PTCHD4: variants seen among roughly 807,000 people sequenced by gnomAD.
The protein encoded by PTCHD4 is patched domain-containing protein 4.
In PTCHD4, 33 loss-of-function variants were observed where a neutral mutation model predicts 58.1. The ratio of observed to expected loss-of-function variants is 0.57; its 90% confidence interval spans 0.43 to 0.76. The LOEUF (loss-of-function observed/expected upper bound fraction) is 0.76, where lower values mean the gene tolerates loss of function less well. Ranked by LOEUF, PTCHD4 falls within the 30% of genes least tolerant of loss-of-function variation. PTCHD4 has a pLI of 0.00. For missense variants in PTCHD4, 1,058 were observed against 1,027.1 expected, an observed-to-expected ratio of 1.03 and a Z score of -0.41; for synonymous variants, 478 against 409.6, an observed-to-expected ratio of 1.17 and a Z score of -2.02.
chr6:47,911,168 A>G (rs920871073), intron 4 of PTCHD4, among the ~76,000 whole-genome samples: 1 of 152,162 alleles, frequency 6.6e-6, no homozygotes, highest in Non-Finnish European at 1.5e-5. Flanking sequence ...AGCTTTGGTC[A>G]AAGGGAAGCA....
chr6:47,859,644 T>A lies in PTCHD4; in HGVS notation c.*18659A>T, dbSNP rs34102657. Among the ~76,000 whole-genome samples the A allele has an allele frequency of 0.66, 99,235 of 151,320 alleles. 32,964 individuals are homozygous for A. The highest frequency in any genetic ancestry group is 0.78 in the East Asian group (3,970 of 5,082). ...TATAGCAGTTTACAGAGCAGAAAAA[T>A]ATCTCTGCCCCCTTAGAGCTTTCAA... On this transcript the variant is annotated 3_prime_UTR_variant, in exon 5 of 5. Transcript: ENST00000339488.
At chr6:47,893,413 G>A (rs1764439676) in intron 4 of PTCHD4, among the ~76,000 whole-genome samples, 1 of 152,174 alleles carries the variant, frequency 6.6e-6, no homozygotes, top group Non-Finnish European at 1.5e-5. Flanking sequence ...ATGCACTGTG[G>A]AGTCAGGCAT....
chr6:47,969,275 T>C (rs1767412560), intron 4 of PTCHD4, among the ~76,000 whole-genome samples: 1 of 152,232 alleles, frequency 6.6e-6, no homozygotes, highest in Non-Finnish European at 1.5e-5. Flanking sequence ...TCTTGTGTAC[T>C]CCTACTAGTC....
At chr6:47,974,799 A>G (rs1767634501) in intron 4 of PTCHD4, among the ~76,000 whole-genome samples, 1 of 152,208 alleles carries the variant, frequency 6.6e-6, no homozygotes, top group Admixed American at 6.5e-5. Context: ...GCTGACCACA[A>G]ATTATTGGCA....
In PTCHD4 at chr6:47,859,993, G is replaced by A. The variant is rs1928288; in HGVS notation, c.*18310C>T. Among the ~76,000 whole-genome samples, 112,524 of 151,906 alleles carry A rather than the reference G, an allele frequency of 0.74. 41,912 individuals carry two copies. Among genetic ancestry groups the A allele is most frequent in the East Asian group, 0.84 (4,308 of 5,128 alleles). On this transcript the variant is annotated 3_prime_UTR_variant, in exon 5 of 5. Transcript: ENST00000339488. ...GACTGGGTGGGGCTTCCCCTCTTTC[G>A]TGAATCTCCCACCCAAGTTAATGTC...
intron 4 of PTCHD4, among the ~76,000 whole-genome samples, chr6:47,966,300 T>C (rs956802427): frequency 6.6e-6 from 1 of 152,034 alleles, no homozygotes; most frequent in Admixed American, 6.5e-5. Context: ...TATACTATAG[T>C]ATATTAAGTA....
intron 1 of PTCHD4, among the ~76,000 whole-genome samples, chr6:48,084,620 G>A (rs916563493): frequency 6.6e-6 from 1 of 151,906 alleles, no homozygotes; most frequent in African/African-American, 2.4e-5. Context: ...AGCACTATTT[G>A]GCTTTTCTTA....
At chr6:47,942,426 G>A (rs550351969) in intron 4 of PTCHD4, among the ~76,000 whole-genome samples, 2 of 152,246 alleles carry the variant, frequency 1.3e-5, no homozygotes, top group South Asian at 2.1e-4. Flanking sequence ...ATAAAGAATA[G>A]CAAAACACAA....
rs1763659120 is a variant in PTCHD4 at position 47,869,358 on chromosome 6, C to T, written c.*8945G>A. The stretch of plus-strand genomic sequence containing the variant: ...GCTCACTCATTGTCTCCATCTTCTG[C>T]AGCTCTCATATGGTGAGAAAAATGT... On this transcript the variant is annotated 3_prime_UTR_variant, in exon 5 of 5. Coordinates refer to ENST00000339488, the MANE Select transcript of PTCHD4 (RefSeq NM_001384253.1). Among the ~76,000 whole-genome samples the T allele has an allele frequency of 6.6e-6, 1 of 151,696 alleles. No homozygotes were observed. The highest frequency in any genetic ancestry group is 1.5e-5 in the Non-Finnish European group (1 of 67,802).
intron 4 of PTCHD4, among the ~76,000 whole-genome samples, chr6:47,929,834 C>G (rs1335603972): frequency 6.6e-6 from 1 of 152,210 alleles, no homozygotes; most frequent in Non-Finnish European, 1.5e-5. Flanking sequence ...TCTTTCTGGC[C>G]CCTTTCACTT....
chr6:48,023,356 G>T (rs1763131968), intron 3 of PTCHD4, among the ~76,000 whole-genome samples: 1 of 152,114 alleles, frequency 6.6e-6, no homozygotes, highest in South Asian at 2.1e-4. Context: ...TTTGACAATT[G>T]ATTTACTTAG....
intron 4 of PTCHD4, among the ~76,000 whole-genome samples, chr6:47,938,960 T>C (rs572283299): frequency 1.3e-5 from 2 of 151,304 alleles, no homozygotes; most frequent in East Asian, 3.9e-4. Context: ...GGAAAGGGAG[T>C]TCAGGGTACA....
At chr6:48,098,019 C>T (rs1765510013) in intron 1 of PTCHD4, among the ~76,000 whole-genome samples, 1 of 152,136 alleles carries the variant, frequency 6.6e-6, no homozygotes, top group Non-Finnish European at 1.5e-5. Flanking sequence ...CTGTACATCA[C>T]CTACCTGTCA....
chr6:48,066,099 C>CCTTT (rs763897152), intron 3 of PTCHD4, among the ~76,000 whole-genome samples: 2 of 131,260 alleles, frequency 1.5e-5, no homozygotes, highest in Non-Finnish European at 1.6e-5. Flanking sequence ...CTGACATCTA[C>CCTTT]TTTTTTTTTT....
At chr6:47,885,221 A>G (rs1764152970) in intron 4 of PTCHD4, among the ~76,000 whole-genome samples, 1 of 152,156 alleles carries the variant, frequency 6.6e-6, no homozygotes, top group African/African-American at 2.4e-5. Context: ...TGGACAGAGG[A>G]AAAACTGGGA....
At chr6:47,995,965 T>TAAC (rs1768470793) in intron 4 of PTCHD4, among the ~76,000 whole-genome samples, 1 of 152,220 alleles carries the variant, frequency 6.6e-6, no homozygotes, top group Non-Finnish European at 1.5e-5. Flanking sequence ...TTCAAACTTT[T>TAAC]AACTTTTATT....
At chr6:48,048,378 T>G (rs1764113122) in intron 3 of PTCHD4, among the ~76,000 whole-genome samples, 1 of 151,978 alleles carries the variant, frequency 6.6e-6, no homozygotes, top group Non-Finnish European at 1.5e-5. Context: ...GGGAAAATAT[T>G]TTTTAGAAAG....
Position 48,008,843 on chromosome 6 carries a change from G to A in PTCHD4, c.689C>T (p.Ala230Val), listed in dbSNP as rs753448683. The A allele has an allele frequency of 1.9e-6, 3 of 1,614,012 alleles. No individual in the cohort carries two copies. In the South Asian group the frequency reaches 3.3e-5, roughly 18 times the overall value. The stretch of plus-strand genomic sequence containing the variant: ...GAGGCTCACCAGGACCTTGCTTCTG[G>A]CCAGGATGCTGGTCTTATGAAAGTC... Reference protein sequence around the residue: ...WRDFHKTSILARSKVLVSLVL... With the variant: ...WRDFHKTSILVRSKVLVSLVL... The change falls in exon 4 of 5, where the codon GCC becomes GTC. Residue 230 changes from alanine (A) to valine (V), a missense_variant. Ala to Val is a moderately conservative substitution (Grantham distance 64, BLOSUM62 0). Coordinates refer to ENST00000339488, the MANE Select transcript of PTCHD4 (RefSeq NM_001384253.1).
At chr6:48,061,268 G>A (rs1363286931) in intron 3 of PTCHD4, among the ~76,000 whole-genome samples, 1 of 152,094 alleles carries the variant, frequency 6.6e-6, no homozygotes, top group Non-Finnish European at 1.5e-5. Context: ...AATATTGAAC[G>A]ACTGTAATCA....
Sources: gnomAD v4.1 joint callset for allele counts (sites outside exome capture counted in the v4.1 genomes callset) on GRCh38, gnomAD v4.1.1 for gene constraint, MANE v1.5 for transcripts, NCBI Gene and HGNC (gene_info 2026-07-23, HGNC 2026-07-21) for gene names.